Variants in CFAP54 observed in about 807,000 individuals in gnomAD.
The protein encoded by CFAP54 is cilia- and flagella-associated protein 54.
Under a neutral mutation model 370.4 loss-of-function variants are expected in CFAP54, and 290 were observed. The ratio of observed to expected loss-of-function variants is 0.78; its 90% CI spans 0.71 to 0.86. The LOEUF (loss-of-function observed/expected upper bound fraction) is 0.86, where lower values mean the gene tolerates loss of function less well. Among genes scored for constraint, CFAP54 ranks in the 40% least tolerant of loss-of-function variants. The pLI, the probability that CFAP54 is intolerant of heterozygous loss-of-function variation, is 0.00. For missense variants in CFAP54, 3,399 were observed against 3,528.7 expected, an observed-to-expected ratio of 0.96 and a Z score of 0.93; for synonymous variants, 1,206 against 1,236.5, an observed-to-expected ratio of 0.98 and a Z score of 0.52.
intron 27 of CFAP54, among the ~76,000 whole-genome samples, chr12:96,622,252 G>A (rs1479914461): frequency 6.6e-6 from 1 of 151,928 alleles, no homozygotes; most frequent in Non-Finnish European, 1.5e-5. Context: ...TATGCTTATT[G>A]CCTTTCCTTG....
chr12:96,549,675 A>G (rs1203110928), intron 15 of CFAP54, among the ~76,000 whole-genome samples: 14 of 152,228 alleles, frequency 9.2e-5, no homozygotes, highest in Non-Finnish European at 2.1e-4. Context: ...TTTTGAGTAT[A>G]AGTGTCCTCA....
intron 66 of CFAP54, among the ~76,000 whole-genome samples, chr12:96,838,671 A>T (rs1206222870): frequency 3.3e-5 from 5 of 152,124 alleles, no homozygotes; most frequent in Admixed American, 3.3e-4. Context: ...CTCCCACTAG[A>T]TTCCTCCCTC....
chr12:96,630,362 T>C (rs1041782343), intron 31 of CFAP54, among the ~76,000 whole-genome samples, 158 bp downstream of exon 31: 1 of 143,474 alleles, frequency 7.0e-6, no homozygotes, highest in Admixed American at 7.2e-5. Flanking sequence ...TAGATTAACA[T>C]GTAGATATTG....
chr12:96,609,513 TA>T (rs1271599615), intron 26 of CFAP54, among the ~76,000 whole-genome samples: 1 of 152,200 alleles, frequency 6.6e-6, no homozygotes, highest in Non-Finnish European at 1.5e-5. Context: ...GCCATTTCTT[TA>T]AAAATCAGCC....
intron 17 of CFAP54, among the ~76,000 whole-genome samples, chr12:96,563,072 G>A (rs1172368275): frequency 6.6e-6 from 1 of 152,098 alleles, no homozygotes; most frequent in African/African-American, 2.4e-5. Flanking sequence ...TTCTCACATA[G>A]TAACTGTATT....
At chr12:96,626,167 T>G (rs1480605477) in intron 29 of CFAP54, among the ~76,000 whole-genome samples, 2 of 152,094 alleles carry the variant, frequency 1.3e-5, no homozygotes, top group African/African-American at 4.8e-5. Flanking sequence ...GCAGATCACC[T>G]GAGGTCAGGA....
At chr12:96,664,723 ATCTATATATATATATC>A (rs1565934278) in intron 39 of CFAP54, among the ~76,000 whole-genome samples, 483 of 12,174 alleles carry the variant, frequency 0.04, 10 homozygotes, top group African/African-American at 0.088. Context: ...ATCTATATAT[ATCTATATATATATATC>A]TATATATATA....
At chr12:96,733,093 A>T (rs1200820206) in intron 50 of CFAP54, among the ~76,000 whole-genome samples, 1 of 152,258 alleles carries the variant, frequency 6.6e-6, no homozygotes, top group East Asian at 1.9e-4. Flanking sequence ...AGATAGACAT[A>T]TGCAAATAGT....
chr12:96,830,421 T>C (rs1959167227), intron 66 of CFAP54, among the ~76,000 whole-genome samples: 1 of 152,186 alleles, frequency 6.6e-6, no homozygotes, highest in Non-Finnish European at 1.5e-5. Flanking sequence ...TGTGAAGTGG[T>C]ATCTTATTGT....
chr12:96,682,704 T>G (rs938649407), intron 40 of CFAP54, among the ~76,000 whole-genome samples: 2 of 152,174 alleles, frequency 1.3e-5, no homozygotes, highest in African/African-American at 4.8e-5. Context: ...TCTTCTGCAT[T>G]AATGCTGAGA....
intron 50 of CFAP54, among the ~76,000 whole-genome samples, chr12:96,725,169 G>C (rs1263269537): frequency 2.0e-5 from 3 of 151,810 alleles, no homozygotes; most frequent in Non-Finnish European, 4.4e-5. Flanking sequence ...GCTCTTTTTT[G>C]GTTCCATATG....
chr12:96,850,898 C>T (rs1200638075), intron 66 of CFAP54, among the ~76,000 whole-genome samples: 1 of 152,100 alleles, frequency 6.6e-6, no homozygotes, highest in Non-Finnish European at 1.5e-5. Context: ...AAACCACCCC[C>T]GTGATCCAAT....
intron 39 of CFAP54, among the ~76,000 whole-genome samples, chr12:96,675,473 C>T (rs1358940915): frequency 6.6e-6 from 1 of 152,142 alleles, no homozygotes; most frequent in Non-Finnish European, 1.5e-5. Context: ...AATAGGAACA[C>T]TTTTACACTG....
chr12:96,825,313 A>T (rs1352328133), intron 65 of CFAP54, among the ~76,000 whole-genome samples: 1 of 129,346 alleles, frequency 7.7e-6, no homozygotes, highest in Non-Finnish European at 1.6e-5. Flanking sequence ...TATATATAAT[A>T]TAATATATAT....
At position 96,676,750 on chromosome 12, in the gene CFAP54, C is replaced by G. The variant is rs117793729; in HGVS notation, c.5564-2850C>G. ...TAGTAGAGATGGGGTTTCACCTTGT[C>G]TCCTGACCTGAGGTGATCCATCTGC... is the stretch of plus-strand genomic sequence containing the variant. On this transcript the variant is annotated intron_variant, in intron 39 of 67. Transcript: ENST00000524981. 9.7e-3 allele frequency among the ~76,000 whole-genome samples: 1,478 copies of G among 152,012 alleles called. 58 individuals are homozygous for G. The East Asian group carries it at 0.1, about 10-fold the overall frequency.
chr12:96,674,534 A>G (rs1241888334), intron 39 of CFAP54, among the ~76,000 whole-genome samples: 1 of 152,006 alleles, frequency 6.6e-6, no homozygotes, highest in Non-Finnish European at 1.5e-5. Flanking sequence ...CATTTATCTC[A>G]TGTAGACAGC....
In CFAP54 at chr12:96,594,382, C is replaced by G; in HGVS notation, c.3452C>G (p.Thr1151Ser). ...TCCAGCTATGCCCTTCAAGCTGTGA[C>G]TCAATGTTATGGACTTCTTGCTCCC... Reference protein sequence around the residue: ...NDSSYALQAVTQCYGLLAPII... With the variant: ...NDSSYALQAVSQCYGLLAPII... Residue 1151 changes from threonine to serine, a missense_variant, in exon 25 of 68, where the codon ACT becomes AGT. By Grantham distance (58) the Thr-to-Ser change is moderately conservative (BLOSUM62 1). Coordinates refer to ENST00000524981, the MANE Select transcript of CFAP54 (RefSeq NM_001306084.2). 1 of 1,534,596 alleles carries G rather than the reference C, an allele frequency of 6.5e-7. No individual in the cohort carries two copies. The highest frequency in any genetic ancestry group is 1.2e-5 in the South Asian group (1 of 83,934).
chr12:96,729,014 T>C (rs1277861842), intron 50 of CFAP54, among the ~76,000 whole-genome samples: 1 of 152,212 alleles, frequency 6.6e-6, no homozygotes, highest in East Asian at 1.9e-4. Flanking sequence ...CCGCGAATGC[T>C]GCTGTCTGAT....
chr12:96,669,441 G>A (rs1413575609), intron 39 of CFAP54, among the ~76,000 whole-genome samples: 2 of 152,224 alleles, frequency 1.3e-5, no homozygotes, highest in Non-Finnish European at 2.9e-5. Flanking sequence ...AAGTAGGAGA[G>A]TGGCCACTGC....
Sources: gnomAD v4.1 joint callset for allele counts (sites outside exome capture counted in the v4.1 genomes callset) on GRCh38, gnomAD v4.1.1 for gene constraint, MANE v1.5 for transcripts, NCBI Gene and HGNC (gene_info 2026-07-23, HGNC 2026-07-21) for gene names.